SMCHD1: variants seen among roughly 807,000 people sequenced by gnomAD.
SMCHD1 encodes structural maintenance of chromosomes flexible hinge domain-containing protein 1.
SMCHD1 carries 78 observed loss-of-function variants against 254.7 expected under a neutral mutation model. That is an observed-to-expected ratio of 0.31 (90% CI 0.26 to 0.37). The LOEUF (loss-of-function observed/expected upper bound fraction) is 0.37. Among genes scored for constraint, SMCHD1 ranks in the 10% least tolerant of loss-of-function variants. SMCHD1 has a pLI of 1.00. For synonymous variants in SMCHD1, 766 were observed against 794.9 expected, an observed-to-expected ratio of 0.96 and a Z score of 0.61; for missense variants, 1,840 against 2,408.1, an observed-to-expected ratio of 0.76 and a Z score of 4.94.
intron 44 of SMCHD1, among the ~76,000 whole-genome samples, chr18:2,782,570 A>G (rs2086153921): frequency 6.6e-6 from 1 of 150,992 alleles, no homozygotes; most frequent in African/African-American, 2.4e-5. Flanking sequence ...TGAGACGCCA[A>G]CTCTACAAAG....
At chr18:2,732,231 A>T in intron 24 of SMCHD1, 34 bp from the exon 25 acceptor site, 2 of 1,533,470 alleles carry the variant, frequency 1.3e-6, no homozygotes, top group East Asian at 4.5e-5. Flanking sequence ...CAGTACAGAT[A>T]TCACTCAGTG....
chr18:2,748,960 G>A (rs756754318), intron 30 of SMCHD1, among the ~76,000 whole-genome samples: 1 of 152,188 alleles, frequency 6.6e-6, no homozygotes, highest in Non-Finnish European at 1.5e-5. Context: ...CTTAAAAGTC[G>A]TATGGAAGAT....
In SMCHD1 at chr18:2,688,472, C is replaced by T. The variant is rs1273312075; in HGVS notation, c.717C>T (p.Gly239=). The change falls in exon 6 of 48, where the codon GGC becomes GGT. Residue 239 remains glycine, a synonymous_variant. Transcript: ENST00000320876. ...NSDISYFGVG[G]KQAVFFVGQS... ...ATATTTCCTATTTTGGTGTTGGGGG[C>T]AAGCAAGCTGTCTTCTTTGTTGGAC... The T allele has an allele frequency of 4.3e-6, 7 of 1,613,686 alleles. No homozygotes were observed. Among genetic ancestry groups the T allele is most frequent in the East Asian group, 2.2e-5 (1 of 44,864 alleles).
Position 2,751,386 on chromosome 18 carries a change from C to G in SMCHD1, c.4274C>G (p.Pro1425Arg). ...CTGTCTACCAGTGGGAACCGACCCCCAGCAAATGTGAGTCATGGGAAGCAT... is the reference window on the plus strand; with the variant it reads ...CTGTCTACCAGTGGGAACCGACCCCGAGCAAATGTGAGTCATGGGAAGCAT... ...WKLSTSGNRP[P>R]ANAETFSCNK... Residue 1425 changes from proline (P) to arginine (R), a missense_variant, in exon 33 of 48, where the codon CCA (proline) becomes CGA (arginine). Coordinates refer to ENST00000320876, the MANE Select transcript of SMCHD1 (RefSeq NM_015295.3). The G allele has an allele frequency of 6.4e-7, 1 of 1,554,030 alleles. No individual in the cohort carries two copies. Among genetic ancestry groups the G allele is most frequent in the Non-Finnish European group, 8.7e-7 (1 of 1,155,228 alleles).
intron 40 of SMCHD1, among the ~76,000 whole-genome samples, 159 bp from the exon 41 acceptor site, chr18:2,772,091 T>C (rs935145437): frequency 4.6e-5 from 7 of 152,134 alleles, no homozygotes; most frequent in Admixed American, 2.6e-4. Flanking sequence ...TTTCTTTGTG[T>C]GTGTGTGTAT....
intron 5 of SMCHD1, among the ~76,000 whole-genome samples, chr18:2,679,237 T>A (rs1169068470): frequency 1.4e-5 from 2 of 147,142 alleles, no homozygotes; most frequent in African/African-American, 4.9e-5. Flanking sequence ...CCCAGCACTT[T>A]GGGAGGGCGA....
intron 29 of SMCHD1, 22 bp from the exon 30 acceptor site, chr18:2,747,500 A>G (rs753820657): frequency 6.3e-7 from 1 of 1,576,074 alleles, no homozygotes; most frequent in African/African-American, 1.4e-5. Flanking sequence ...AGTGTTTCTT[A>G]AAATATTTCT....
rs569896434 is a variant in SMCHD1, at chr18:2,702,512, A to G, written c.1648-1180A>G. Among the ~76,000 whole-genome samples the G allele has an allele frequency of 2.6e-5, 4 of 151,190 alleles. No homozygotes were observed. In the South Asian group the frequency reaches 8.4e-4, roughly 32 times the overall value. On this transcript the variant is annotated intron_variant, in intron 12 of 47. Coordinates refer to ENST00000320876, the MANE Select transcript of SMCHD1 (RefSeq NM_015295.3). ...GAGAGTTTTAGAAGGGTAGTTTAAC[A>G]TTTTGGTTGTCAGACTTTCTGGTTC...
Position 2,772,354 on chromosome 18 carries a change from T to A in SMCHD1, c.5157T>A (p.Ser1719Arg), listed in dbSNP as rs912052573. Reference sequence around the variant, plus strand: ...CTCTTCCAAACTATACTAAAGGCAGTGGAGATGTTTTGGGAAAGGTTTGTG... The same window carrying A: ...CTCTTCCAAACTATACTAAAGGCAGAGGAGATGTTTTGGGAAAGGTTTGTG... ...SCTLPNYTKG[S>R]GDVLGKIAHL... is the part of the protein sequence containing the mutation. The change falls in exon 41 of 48, where the codon AGT (serine) becomes AGA (arginine). Residue 1719 changes from serine (S) to arginine (R), a missense_variant. Coordinates refer to ENST00000320876, the MANE Select transcript of SMCHD1 (RefSeq NM_015295.3). 2.0e-5 allele frequency: 31 copies of A among 1,570,492 alleles called. No homozygotes were observed. The highest frequency in any genetic ancestry group is 2.7e-5 in the Non-Finnish European group (31 of 1,163,614).
intron 47 of SMCHD1, among the ~76,000 whole-genome samples, chr18:2,800,149 G>C (rs931441484): frequency 1.7e-4 from 26 of 151,922 alleles, no homozygotes; most frequent in Admixed American, 5.9e-4. Context: ...TTCAGAGTCA[G>C]TTAGAACAAA....
chr18:2,773,556 T>C (rs1394166512), intron 41 of SMCHD1, among the ~76,000 whole-genome samples: 2 of 152,232 alleles, frequency 1.3e-5, no homozygotes, highest in South Asian at 2.1e-4. Context: ...GAGAAAACTT[T>C]ACAGTCCCTC....
chr18:2,777,083 C>G (rs1057133973), intron 42 of SMCHD1, among the ~76,000 whole-genome samples: 6 of 146,042 alleles, frequency 4.1e-5, no homozygotes, highest in Non-Finnish European at 7.5e-5. Context: ...TACCCTAATA[C>G]TTTTTGTGAG....
intron 7 of SMCHD1, among the ~76,000 whole-genome samples, chr18:2,693,922 C>T (rs913604807): frequency 1.3e-5 from 2 of 152,168 alleles, no homozygotes; most frequent in Non-Finnish European, 2.9e-5. Context: ...TGAGCTACCA[C>T]GCCCGGCCTG....
intron 29 of SMCHD1, among the ~76,000 whole-genome samples, chr18:2,747,013 T>C (rs1415189515): frequency 1.3e-5 from 2 of 152,164 alleles, no homozygotes; most frequent in African/African-American, 4.8e-5. Flanking sequence ...GTTACTGCTT[T>C]TAATGCACAA....
intron 17 of SMCHD1, among the ~76,000 whole-genome samples, chr18:2,711,692 C>T (rs927131282): frequency 3.3e-5 from 5 of 151,500 alleles, no homozygotes; most frequent in East Asian, 1.9e-4. Flanking sequence ...CCGTTTTAGC[C>T]GGGATGGTCT....
Position 2,734,217 on chromosome 18 carries a change from T to C in SMCHD1, c.3276+1725T>C, listed in dbSNP as rs941856743. 3.3e-5 allele frequency among the ~76,000 whole-genome samples: 5 copies of C among 152,194 alleles called. No individual in the cohort carries two copies. The East Asian group carries it at 9.6e-4, about 29-fold the overall frequency. ...AGGAGGTAAGCCATTTTTATCTCTA[T>C]AAGCAGATTTGAAGGTAAGTAGTGG... On this transcript the variant is annotated intron_variant, in intron 25 of 47. Coordinates refer to ENST00000320876, the MANE Select transcript of SMCHD1 (RefSeq NM_015295.3).
chr18:2,779,681 G>C (rs1448108010), intron 44 of SMCHD1, among the ~76,000 whole-genome samples: 4 of 152,146 alleles, frequency 2.6e-5, no homozygotes, highest in Admixed American at 2.0e-4. Flanking sequence ...CTGGACATGT[G>C]ATGCATGCAT....
chr18:2,780,553 A>T (rs2143796996), intron 44 of SMCHD1, among the ~76,000 whole-genome samples: 1 of 152,158 alleles, frequency 6.6e-6, no homozygotes, highest in South Asian at 2.1e-4. Flanking sequence ...GCTGGTAAGG[A>T]TTGAACTAAC....
rs1471440911 is a variant in SMCHD1, at chr18:2,802,560, CAG to C, written c.*14_*15del. 8.4e-6 allele frequency: 13 copies of C among 1,551,858 alleles called. No homozygotes were observed. The African/African-American group carries it at 1.1e-4, about 13-fold the overall frequency. The stretch of plus-strand genomic sequence containing the variant: ...ACCAAAACAGATGTATGAGAGGTGA[CAG>C]AGAGAAGAGGCCATTGGTCTCAGTA... On this transcript the variant is annotated 3_prime_UTR_variant, in exon 48 of 48. Transcript: ENST00000320876.
Sources: gnomAD v4.1 joint callset for allele counts (sites outside exome capture counted in the v4.1 genomes callset) on GRCh38, gnomAD v4.1.1 for gene constraint, MANE v1.5 for transcripts, NCBI Gene and HGNC (gene_info 2026-07-23, HGNC 2026-07-21) for gene names.